The following BTNL3 variants were observed in gnomAD, a reference collection of about 807,000 sequenced individuals.
The protein encoded by BTNL3 is butyrophilin like 3.
In BTNL3, 20 loss-of-function variants were observed where a neutral mutation model predicts 40.1. The ratio of observed to expected loss-of-function variants is 0.50; its 90% CI spans 0.35 to 0.72. The LOEUF is 0.72. Among genes scored for constraint, BTNL3 ranks in the 30% least tolerant of loss-of-function variants. The probability of loss-of-function intolerance (pLI) is 0.01; values close to 1 mark genes in which losing one functional copy is unlikely to be tolerated. For synonymous variants in BTNL3, 179 were observed against 222.1 expected (o/e 0.81, Z 1.73); for missense variants, 449 against 582.2 (o/e 0.77, Z 2.35).
chr5:181,004,630 G>A, intron 6 of BTNL3, 106 bp from the exon 7 acceptor site: 6 of 1,608,984 alleles, frequency 3.7e-6, no homozygotes, highest in Non-Finnish European at 5.1e-6. Context: ...ATCTCTGGAG[G>A]GTCCACAACA....
rs1311507864 is a variant in BTNL3 at position 181,001,772 on chromosome 5, G to A, written c.674-900G>A. 3.0e-5 allele frequency among the ~76,000 whole-genome samples: 4 copies of A among 135,260 alleles called. 1 individual carries two copies. Among genetic ancestry groups the A allele is most frequent in the East Asian group, 4.4e-4 (2 of 4,532 alleles). 88.7% of individuals were successfully genotyped at this position (135,260 alleles called of 152,430 possible). The stretch of plus-strand genomic sequence containing the variant: ...AGGAAGGAGAATGGCGTGAACCCGG[G>A]AGGCAGAGGTTGCAGTGAGCCGAGA... On this transcript the variant is annotated intron_variant, in intron 3 of 7. Coordinates refer to ENST00000342868, the MANE Select transcript of BTNL3 (RefSeq NM_197975.3).
chr5:181,005,561 AG>A lies in BTNL3; in HGVS notation c.1095del (p.Lys366ArgfsTer4). ...YVGVCRDDVD[R>X]GKNNVTLSPN... ...GGGAGTGTGTCGGGATGACGTAGAC[AG>A]GGGGAAGAACAATGTGACTTTGTCT... On this transcript the variant is annotated frameshift_variant, in exon 8 of 8. Coordinates refer to ENST00000342868, the MANE Select transcript of BTNL3 (RefSeq NM_197975.3). LOFTEE classifies it low-confidence loss of function (END_TRUNC). 6.2e-7 allele frequency: 1 copy of A among 1,614,046 alleles called. No individual in the cohort carries two copies. The highest frequency in any genetic ancestry group is 1.1e-5 in the South Asian group (1 of 91,084).
At chr5:181,004,821 T>C (rs757859738) in intron 7 of BTNL3, 59 bp downstream of exon 7, 3 of 1,613,914 alleles carry the variant, frequency 1.9e-6, no homozygotes, top group Non-Finnish European at 1.7e-6. Context: ...CAGTGACAGA[T>C]ATGGAGCCCA....
intron 7 of BTNL3, among the ~76,000 whole-genome samples, 155 bp from the exon 8 acceptor site, chr5:181,005,179 G>A (rs542582634): frequency 1.6e-4 from 25 of 152,184 alleles, no homozygotes; most frequent in Non-Finnish European, 3.4e-4. Context: ...AGTGAGGCAC[G>A]GGGGCTGCCC....
rs759954022 is a variant in BTNL3 at position 180,988,980 on chromosome 5, C to T, written c.-49C>T. On this transcript the variant is annotated 5_prime_UTR_variant, in exon 1 of 8. Transcript: ENST00000342868. ...CTGACCTCCAAATCATCCATCCACC[C>T]CTGCTGTCATCTGTTTTCATAGTGT... 2 of 1,427,616 alleles carry T rather than the reference C, an allele frequency of 1.4e-6. No individual in the cohort carries two copies. Among genetic ancestry groups the T allele is most frequent in the African/African-American group, 2.8e-5 (2 of 71,766 alleles). 88.4% of individuals were successfully genotyped at this position (1,427,616 alleles called of 1,614,324 possible).
chr5:181,006,071 G>A lies in BTNL3; in HGVS notation c.*199G>A, dbSNP rs534109744. 16 of 592,048 alleles carry A rather than the reference G, an allele frequency of 2.7e-5. No individual in the cohort carries two copies. Among genetic ancestry groups the A allele is most frequent in the Non-Finnish European group, 2.8e-6 (1 of 354,186 alleles). 36.7% of individuals were successfully genotyped at this position (592,048 alleles called of 1,614,324 possible). A position where few individuals can be genotyped will look rare whatever the true frequency, so the allele number is the denominator to read the frequency against. On this transcript the variant is annotated 3_prime_UTR_variant, in exon 8 of 8. Transcript: ENST00000342868. ...GCAGTCACAGCTTCCAGATGAGGGGGGATTGGCCTGACCCTGTGGGAGTCA... is the reference window on the plus strand; with the variant it reads ...GCAGTCACAGCTTCCAGATGAGGGGAGATTGGCCTGACCCTGTGGGAGTCA...
chr5:181,004,450 G>T lies in BTNL3; in HGVS notation c.835+7G>T, dbSNP rs1760180195. Reference sequence around the variant, plus strand: ...AGAAAGCACGGACAGGCAGGTAAAAGAAAATATTCCTCTTCACACATTTAT... The same window carrying T: ...AGAAAGCACGGACAGGCAGGTAAAATAAAATATTCCTCTTCACACATTTAT... On this transcript the variant is annotated splice_region_variant and intron_variant, in intron 6 of 7. Transcript: ENST00000342868. 16 of 1,145,566 alleles carry T rather than the reference G, an allele frequency of 1.4e-5. No individual in the cohort carries two copies. The highest frequency in any genetic ancestry group is 2.0e-5 in the Non-Finnish European group (16 of 792,160). 71.0% of individuals were successfully genotyped at this position (1,145,566 alleles called of 1,614,324 possible).
rs750606660 is a variant in BTNL3 at position 181,005,584 on chromosome 5, G to T, written c.1113G>T (p.Leu371Phe). ...ACAGGGGGAAGAACAATGTGACTTT[G>T]TCTCCCAACAATGGGTATTGGGTCC... ...DVDRGKNNVTLSPNNGYWVLR... is the reference protein window; with the variant it reads ...DVDRGKNNVTFSPNNGYWVLR... Residue 371 changes from leucine (L) to phenylalanine (F), a missense_variant, in exon 8 of 8, where the codon TTG (leucine) becomes TTT (phenylalanine). Physicochemically the swap from Leu to Phe is conservative, Grantham distance 22. Around this residue, in one of 2 missense-constraint regions of BTNL3, gnomAD observed 126 missense variants for 117.2 expected, o/e 1.07. Coordinates refer to ENST00000342868, the MANE Select transcript of BTNL3 (RefSeq NM_197975.3). 6.2e-7 allele frequency: 1 copy of T among 1,613,984 alleles called. No individual in the cohort carries two copies. Among genetic ancestry groups the T allele is most frequent in the South Asian group, 1.1e-5 (1 of 91,078 alleles).
chr5:181,000,696 C>T (rs1401745971), intron 3 of BTNL3, among the ~76,000 whole-genome samples: 1 of 132,228 alleles, frequency 7.6e-6, no homozygotes, highest in Non-Finnish European at 1.7e-5. Context: ...GTCCCAGCTA[C>T]TCGGGAGGCT....
chr5:180,996,598 T>A (rs137957978), intron 2 of BTNL3, among the ~76,000 whole-genome samples: 1 of 136,978 alleles, frequency 7.3e-6, no homozygotes, highest in African/African-American at 2.5e-5. Context: ...TCATCTGGAA[T>A]ATAAATATTC....
chr5:181,002,893 C>A, intron 4 of BTNL3, 108 bp downstream of exon 4: 1 of 1,262,562 alleles, frequency 7.9e-7, no homozygotes, highest in Non-Finnish European at 1.1e-6. Context: ...AGCCCTAGGC[C>A]TACAGGGGCC....
In BTNL3 at chr5:181,000,817, A is replaced by T. The variant is rs543783854; in HGVS notation, c.674-1855A>T. Among the ~76,000 whole-genome samples, 24 of 135,670 alleles carry T rather than the reference A, an allele frequency of 1.8e-4. No individual in the cohort carries two copies. The South Asian group carries it at 3.5e-3, about 20-fold the overall frequency. The allele number at this position is 135,670 out of a possible 152,430, so 89.0% of individuals were successfully genotyped here. ...GACAGAGCGAGACTCCGTCTCAAAA[A>T]AAAATAAAATAAAATAAAAAAATAA... On this transcript the variant is annotated intron_variant, in intron 3 of 7. Transcript: ENST00000342868.
At position 180,992,883 on chromosome 5, in the gene BTNL3, C is replaced by G. The variant is rs1386192083; in HGVS notation, c.120C>G (p.Cys40Trp). The G allele has an allele frequency of 1.4e-6, 2 of 1,463,300 alleles. No homozygotes were observed. Among genetic ancestry groups the G allele is most frequent in the Non-Finnish European group, 1.9e-6 (2 of 1,058,932 alleles). The allele number at this position is 1,463,300 out of a possible 1,614,324, so 90.6% of individuals were successfully genotyped here. A position where few individuals can be genotyped will look rare whatever the true frequency, so the allele number is the denominator to read the frequency against. Residue 40 changes from cysteine (C) to tryptophan (W), a missense_variant, in exon 2 of 8, where the codon TGC (cysteine) becomes TGG (tryptophan). By Grantham distance (215) the Cys-to-Trp change is radical (BLOSUM62 -2). Around this residue, in one of 2 missense-constraint regions of BTNL3, gnomAD observed 323 missense variants for 464.9 expected, o/e 0.69. Transcript: ENST00000342868. ...TGGGGGAGGACGCCGTGTTCTCCTG[C>G]TCCCTCTTTCCTGAGACCAGTGCAG... ...ALVGEDAVFSCSLFPETSAEA... is the reference protein window; with the variant it reads ...ALVGEDAVFSWSLFPETSAEA...
At position 180,988,905 on chromosome 5, in the gene BTNL3, C is replaced by T; in HGVS notation, c.-124C>T. On this transcript the variant is annotated 5_prime_UTR_variant, in exon 1 of 8. Transcript: ENST00000342868. ...CTCTAGGGAGAAATGCACAGTTTGA[C>T]ATCGTTCATGAAGAGCCTCTCCACG... The T allele has an allele frequency of 1.8e-6, 2 of 1,113,614 alleles. No homozygotes were observed. The highest frequency in any genetic ancestry group is 1.5e-5 in the African/African-American group (1 of 65,404). 69.0% of individuals were successfully genotyped at this position (1,113,614 alleles called of 1,614,324 possible). A position where few individuals can be genotyped will look rare whatever the true frequency, so the allele number is the denominator to read the frequency against.
chr5:180,993,296 A>G, intron 2 of BTNL3, 136 bp downstream of exon 2: 1 of 1,262,738 alleles, frequency 7.9e-7, no homozygotes, highest in Admixed American at 3.1e-5. Context: ...GGTGGGGATC[A>G]CTGACCTGAG....
At position 180,993,369 on chromosome 5, in the gene BTNL3, A is replaced by C. The variant is rs1366391512; in HGVS notation, c.397+209A>C. On this transcript the variant is annotated intron_variant, in intron 2 of 7. Coordinates refer to ENST00000342868, the MANE Select transcript of BTNL3 (RefSeq NM_197975.3). The stretch of plus-strand genomic sequence containing the variant: ...TGGGATCATGATGCAGAAGACAGCC[A>C]CCTGCACCTGCCACCACCTGACAGG... Among the ~76,000 whole-genome samples, 3 of 136,760 alleles carry C rather than the reference A, an allele frequency of 2.2e-5. 1 individual carries two copies. The highest frequency in any genetic ancestry group is 5.0e-5 in the Non-Finnish European group (3 of 59,740). 89.7% of individuals were successfully genotyped at this position (136,760 alleles called of 152,430 possible). A position where few individuals can be genotyped will look rare whatever the true frequency, so the allele number is the denominator to read the frequency against.
Position 181,005,994 on chromosome 5 carries a change from C to A in BTNL3, c.*122C>A. ...GCCTGCGCACAGAGAGTCACGCCCC[C>A]CACTCTCCTTTAGGGAGCTGAGGTT... On this transcript the variant is annotated 3_prime_UTR_variant, in exon 8 of 8. Transcript: ENST00000342868. The A allele has an allele frequency of 1.8e-6, 2 of 1,132,876 alleles. No individual in the cohort carries two copies. Among genetic ancestry groups the A allele is most frequent in the Non-Finnish European group, 2.5e-6 (2 of 815,576 alleles). The allele number at this position is 1,132,876 out of a possible 1,614,324, so 70.2% of individuals were successfully genotyped here.
At position 180,997,579 on chromosome 5, in the gene BTNL3, A is replaced by G; in HGVS notation, c.673+91A>G. The G allele has an allele frequency of 1.4e-6, 2 of 1,403,920 alleles. 1 individual carries two copies. Among genetic ancestry groups the G allele is most frequent in the Non-Finnish European group, 2.0e-6 (2 of 1,021,148 alleles). The allele number at this position is 1,403,920 out of a possible 1,614,324, so 87.0% of individuals were successfully genotyped here. On this transcript the variant is annotated intron_variant, in intron 3 of 7. Transcript: ENST00000342868. ...CTTGTGTCTGGGATTGTTGTGTAGTACCATCCAGCTTCAATGATTTGTTTT... is the reference window on the plus strand; with the variant it reads ...CTTGTGTCTGGGATTGTTGTGTAGTGCCATCCAGCTTCAATGATTTGTTTT...
At chr5:180,991,842 C>A (rs946928211) in intron 1 of BTNL3, among the ~76,000 whole-genome samples, 1 of 137,010 alleles carries the variant, frequency 7.3e-6, no homozygotes, top group Non-Finnish European at 1.7e-5. Flanking sequence ...GTTGATAAAG[C>A]ACTAGAGTGG....
Sources: allele counts gnomAD v4.1 joint callset (sites outside exome capture counted in the v4.1 genomes callset), GRCh38; gene constraint gnomAD v4.1.1; regional missense constraint gnomAD v4.1.1; transcripts MANE v1.5; gene names NCBI Gene and HGNC (gene_info 2026-07-23, HGNC 2026-07-21).